ENPP1: variants seen among roughly 807,000 people sequenced by gnomAD.
The protein encoded by ENPP1 is ectonucleotide pyrophosphatase/phosphodiesterase family member 1.
ENPP1 carries 73 observed loss-of-function variants against 122.8 expected under a neutral mutation model. That is an observed-to-expected ratio of 0.59 (90% CI 0.49 to 0.72). ENPP1 has a LOEUF of 0.72. Among genes scored for constraint, ENPP1 ranks in the 30% least tolerant of loss-of-function variants. ENPP1 has a pLI of 0.00. For missense variants in ENPP1, 978 were observed against 1,128.1 expected, an observed-to-expected ratio of 0.87 and a Z score of 1.91; for synonymous variants, 367 against 391.6, an observed-to-expected ratio of 0.94 and a Z score of 0.74.
intron 6 of ENPP1, among the ~76,000 whole-genome samples, chr6:131,856,340 GT>G (rs551559842): frequency 1.4e-3 from 205 of 150,448 alleles, no homozygotes; most frequent in African/African-American, 4.9e-3. Context: ...GGGGTTGTTT[GT>G]TTTTTTCTTG....
At chr6:131,835,700 A>G (rs1432651955) in intron 1 of ENPP1, among the ~76,000 whole-genome samples, 1 of 152,076 alleles carries the variant, frequency 6.6e-6, no homozygotes, top group Non-Finnish European at 1.5e-5. Context: ...TCCATTAGCT[A>G]TTCTTCCTGA....
chr6:131,890,316 T>C, intron 24 of ENPP1, 25 bp from the exon 25 acceptor site: 1 of 1,604,992 alleles, frequency 6.2e-7, no homozygotes, highest in Non-Finnish European at 8.5e-7. Context: ...TGGTAACTTT[T>C]CTTTTATATT....
At chr6:131,842,191 G>A (rs139020260) in intron 1 of ENPP1, among the ~76,000 whole-genome samples, 1 of 152,224 alleles carries the variant, frequency 6.6e-6, no homozygotes, top group African/African-American at 2.4e-5. Context: ...GTTATAGTTT[G>A]GATTAAATGA....
chr6:131,858,584 T>TA, intron 6 of ENPP1, 84 bp from the exon 7 acceptor site: 1 of 858,116 alleles, frequency 1.2e-6, no homozygotes, highest in South Asian at 1.4e-5. Context: ...TTACGTGATT[T>TA]AGACTGCTGT....
At chr6:131,841,053 C>T (rs1781733464) in intron 1 of ENPP1, among the ~76,000 whole-genome samples, 1 of 152,112 alleles carries the variant, frequency 6.6e-6, no homozygotes, top group Admixed American at 6.5e-5. Context: ...ATAAATCTAG[C>T]GTAACTAAAA....
chr6:131,808,305 G>A, intron 1 of ENPP1, 30 bp downstream of exon 1: 2 of 1,483,114 alleles, frequency 1.3e-6, no homozygotes, highest in Non-Finnish European at 1.8e-6. Context: ...CCGGCGCCCG[G>A]GAGGGCTGGG....
intron 1 of ENPP1, among the ~76,000 whole-genome samples, chr6:131,818,328 T>C (rs1418873260): frequency 6.6e-6 from 1 of 152,138 alleles, no homozygotes; most frequent in Non-Finnish European, 1.5e-5. Flanking sequence ...TTAGATGTTT[T>C]ATTGCTTAGA....
intron 1 of ENPP1, among the ~76,000 whole-genome samples, chr6:131,831,874 A>G (rs983893332): frequency 6.6e-6 from 1 of 151,260 alleles, no homozygotes; most frequent in Non-Finnish European, 1.5e-5. Flanking sequence ...GTTACATTCC[A>G]CCTCCTTGAT....
chr6:131,875,456 A>G (rs1274046511), intron 16 of ENPP1, among the ~76,000 whole-genome samples: 1 of 150,980 alleles, frequency 6.6e-6, no homozygotes, highest in African/African-American at 2.5e-5. Context: ...ATTTAATTTG[A>G]TCCCTGCATC....
chr6:131,808,467 T>C (rs980180018), intron 1 of ENPP1, among the ~76,000 whole-genome samples, 192 bp downstream of exon 1: 26 of 152,158 alleles, frequency 1.7e-4, no homozygotes, highest in African/African-American at 5.5e-4. Flanking sequence ...GCCAGGTACC[T>C]TGCCAGGGCA....
chr6:131,890,554 C>A lies in ENPP1; in HGVS notation c.*43C>A, dbSNP rs771559519. 22 of 1,517,006 alleles carry A rather than the reference C, an allele frequency of 1.5e-5. No homozygotes were observed. The highest frequency in any genetic ancestry group is 5.5e-5 in the African/African-American group (4 of 72,910). The allele number at this position is 1,517,006 out of a possible 1,614,324, so 94.0% of individuals were successfully genotyped here. On this transcript the variant is annotated 3_prime_UTR_variant, in exon 25 of 25. Coordinates refer to ENST00000647893, the MANE Select transcript of ENPP1 (RefSeq NM_006208.3). ...AACACCATGAATCTTTTTGAGAGAACCTTATATTTTATATAGTCCTCTAGC... is the reference window on the plus strand; with the variant it reads ...AACACCATGAATCTTTTTGAGAGAAACTTATATTTTATATAGTCCTCTAGC...
At chr6:131,867,442 A>G (rs991860194) in intron 11 of ENPP1, among the ~76,000 whole-genome samples, 1 of 152,236 alleles carries the variant, frequency 6.6e-6, no homozygotes, top group Non-Finnish European at 1.5e-5. Context: ...TTTGTAAGGA[A>G]ATAATGGGTT....
At chr6:131,888,491 T>C (rs1350416368) in intron 24 of ENPP1, among the ~76,000 whole-genome samples, 1 of 152,180 alleles carries the variant, frequency 6.6e-6, no homozygotes, top group Non-Finnish European at 1.5e-5. Flanking sequence ...AACAAAATAG[T>C]GAGCTCTTCT....
chr6:131,827,952 G>A lies in ENPP1; in HGVS notation c.240+19677G>A, dbSNP rs527936215. The A allele has an allele frequency of 1.6e-5, 14 of 888,240 alleles. No individual in the cohort carries two copies. In the South Asian group the frequency reaches 1.8e-4, roughly 12 times the overall value. 55.0% of individuals were successfully genotyped at this position (888,240 alleles called of 1,614,324 possible). A position where few individuals can be genotyped will look rare whatever the true frequency, so the allele number is the denominator to read the frequency against. The stretch of plus-strand genomic sequence containing the variant: ...GTGGAGAATCGAAGCACTTATAAAG[G>A]ATGGCCACAAAATGCTCAAGCTTGG... On this transcript the variant is annotated intron_variant, in intron 1 of 24. Transcript: ENST00000647893.
At chr6:131,889,314 A>ATG (rs1388669888) in intron 24 of ENPP1, among the ~76,000 whole-genome samples, 17,661 of 152,000 alleles carry the variant, frequency 0.12, 1,934 homozygotes, top group African/African-American at 0.29. Context: ...TTTGCTGCAC[A>ATG]GATCATCCCG....
chr6:131,862,432 A>G (rs1177031911), intron 9 of ENPP1, among the ~76,000 whole-genome samples: 3 of 152,172 alleles, frequency 2.0e-5, no homozygotes, highest in Non-Finnish European at 4.4e-5. Context: ...GAGAATTGCA[A>G]TGGAGAAATT....
intron 1 of ENPP1, among the ~76,000 whole-genome samples, chr6:131,838,141 G>A (rs1781699513): frequency 6.6e-6 from 1 of 151,910 alleles, no homozygotes; most frequent in Non-Finnish European, 1.5e-5. Flanking sequence ...AGAACACAAA[G>A]TTGAAAATAA....
chr6:131,814,062 A>T (rs563461291), intron 1 of ENPP1, among the ~76,000 whole-genome samples: 46 of 152,180 alleles, frequency 3.0e-4, no homozygotes, highest in Non-Finnish European at 5.9e-4. Flanking sequence ...TCATGATTCC[A>T]TTTATTTATT....
Position 131,820,674 on chromosome 6 carries a change from C to G in ENPP1, c.240+12399C>G, listed in dbSNP as rs148712519. ...CTTCTACATCTCCTACCTCATTAGT[C>G]CAAACCACAGCTCTGCTGTTATCCA... is the stretch of plus-strand genomic sequence containing the variant. On this transcript the variant is annotated intron_variant, in intron 1 of 24. Coordinates refer to ENST00000647893, the MANE Select transcript of ENPP1 (RefSeq NM_006208.3). 4 of 152,308 alleles carry G rather than the reference C, an allele frequency of 2.6e-5. No individual in the cohort carries two copies. The East Asian group carries it at 7.7e-4, about 29-fold the overall frequency. The allele number at this position is 152,308 out of a possible 1,614,324, so 9.4% of individuals were successfully genotyped here.
Sources: gnomAD v4.1 joint callset for allele counts (sites outside exome capture counted in the v4.1 genomes callset) on GRCh38, gnomAD v4.1.1 for gene constraint, MANE v1.5 for transcripts, NCBI Gene and HGNC (gene_info 2026-07-23, HGNC 2026-07-21) for gene names.